Variants in DERA observed in about 807,000 individuals in gnomAD.
The protein encoded by DERA is deoxyribose-phosphate aldolase.
Under a neutral mutation model 41.1 loss-of-function variants are expected in DERA, and 15 were observed. That is an observed-to-expected ratio of 0.37 (90% confidence interval 0.24 to 0.56). The LOEUF (loss-of-function observed/expected upper bound fraction) is 0.56. Ranked by LOEUF, DERA falls within the 20% of genes least tolerant of loss-of-function variation. The pLI is 0.81. For synonymous variants in DERA, 139 were observed against 137.4 expected (o/e 1.01, Z -0.08); for missense variants, 396 against 403.4 (o/e 0.98, Z 0.16).
chr12:15,920,431 T>A (rs1437712115), intron 1 of DERA, among the ~76,000 whole-genome samples: 2 of 152,214 alleles, frequency 1.3e-5, no homozygotes, highest in Non-Finnish European at 2.9e-5. Flanking sequence ...CGTTACCTTC[T>A]TTTCCACTAG....
Position 16,021,535 on chromosome 12 carries a change from C to T in DERA, c.638-11007C>T, listed in dbSNP as rs765886237. On this transcript the variant is annotated intron_variant, in intron 6 of 8. Transcript: ENST00000428559. This position sits in a 1 kb window ranked among gnomAD's most constrained non-coding sequence, Gnocchi z 5.3. ...AGCCCACACAGAGTCTCCACTGCAGCGCTGTCTTAGTGGAATTGTGGGAAT... is the reference window on the plus strand; with the variant it reads ...AGCCCACACAGAGTCTCCACTGCAGTGCTGTCTTAGTGGAATTGTGGGAAT... 1.8e-3 allele frequency among the ~76,000 whole-genome samples: 267 copies of T among 152,312 alleles called. 1 individual carries two copies. Among genetic ancestry groups the T allele is most frequent in the Non-Finnish European group, 2.9e-3 (195 of 68,028 alleles).
At position 15,938,961 on chromosome 12, in the gene DERA, A is replaced by G. The variant is rs1176800017; in HGVS notation, c.32-17975A>G. Reference sequence around the variant, plus strand: ...TCCAGAGATGGACCACGTCTCTGGTATTGATGCCTTTGTGTAGTCCTGTAC... The same window carrying G: ...TCCAGAGATGGACCACGTCTCTGGTGTTGATGCCTTTGTGTAGTCCTGTAC... On this transcript the variant is annotated intron_variant, in intron 1 of 8. Coordinates refer to ENST00000428559, the MANE Select transcript of DERA (RefSeq NM_015954.4). This position sits in a 1 kb window ranked among gnomAD's most constrained non-coding sequence, Gnocchi z 4.1. Among the ~76,000 whole-genome samples, 3 of 152,180 alleles carry G rather than the reference A, an allele frequency of 2.0e-5. No individual in the cohort carries two copies. Among genetic ancestry groups the G allele is most frequent in the Admixed American group, 2.0e-4 (3 of 15,280 alleles).
In DERA at chr12:15,966,330, G is replaced by C. The variant is rs1948622789; in HGVS notation, c.508+3383G>C. On this transcript the variant is annotated intron_variant, in intron 5 of 8. Coordinates refer to ENST00000428559, the MANE Select transcript of DERA (RefSeq NM_015954.4). This position sits in a 1 kb window ranked among gnomAD's most constrained non-coding sequence, Gnocchi z 5.1. Reference sequence around the variant, plus strand: ...TATACAAAGATTCGTTGGGCATGGTGGCACATGCCTGTAATCCCAGCTACT... The same window carrying C: ...TATACAAAGATTCGTTGGGCATGGTCGCACATGCCTGTAATCCCAGCTACT... 6.6e-6 allele frequency among the ~76,000 whole-genome samples: 1 copy of C among 152,154 alleles called. No individual in the cohort carries two copies. The highest frequency in any genetic ancestry group is 1.5e-5 in the Non-Finnish European group (1 of 68,024).
At chr12:15,932,151 T>C (rs978478675) in intron 1 of DERA, among the ~76,000 whole-genome samples, 1 of 152,214 alleles carries the variant, frequency 6.6e-6, no homozygotes, top group Non-Finnish European at 1.5e-5. Flanking sequence ...TCTTGTGATA[T>C]GAAAACTTTT....
Position 16,036,776 on chromosome 12 carries a change from A to G in DERA, c.*30A>G. 6.6e-7 allele frequency: 1 copy of G among 1,505,780 alleles called. No homozygotes were observed. Among genetic ancestry groups the G allele is most frequent in the Non-Finnish European group, 9.0e-7 (1 of 1,106,360 alleles). The allele number at this position is 1,505,780 out of a possible 1,614,324, so 93.3% of individuals were successfully genotyped here. A position where few individuals can be genotyped will look rare whatever the true frequency, so the allele number is the denominator to read the frequency against. ...GTCACCAGTTCCAGAAAAGTTCTTT[A>G]CGACAATGTTTAAAAATTATTTTTC... is the stretch of plus-strand genomic sequence containing the variant. On this transcript the variant is annotated 3_prime_UTR_variant, in exon 9 of 9. Transcript: ENST00000428559. This position sits in a 1 kb window ranked among gnomAD's most constrained non-coding sequence, Gnocchi z 4.9.
rs1333033505 is a variant in DERA, at chr12:16,037,033, A to T, written c.*287A>T. The T allele has an allele frequency of 9.1e-6, 3 of 330,574 alleles. No individual in the cohort carries two copies. Among genetic ancestry groups the T allele is most frequent in the African/African-American group, 2.2e-5 (1 of 45,240 alleles). 20.5% of individuals were successfully genotyped at this position (330,574 alleles called of 1,614,324 possible). On this transcript the variant is annotated 3_prime_UTR_variant, in exon 9 of 9. Transcript: ENST00000428559. This position sits in a 1 kb window ranked among gnomAD's most constrained non-coding sequence, Gnocchi z 6.7. ...TAAAATGTTAATGGTAGCTTTGATA[A>T]CATCAAATTCTAAGGGAGAAAAAAA... is the stretch of plus-strand genomic sequence containing the variant.
intron 6 of DERA, among the ~76,000 whole-genome samples, chr12:15,997,479 G>A (rs546739053): frequency 1.7e-4 from 26 of 152,236 alleles, no homozygotes; most frequent in African/African-American, 5.5e-4. Flanking sequence ...AGGGCCCTGC[G>A]TGTTACATTG....
In DERA at chr12:15,943,164, G is replaced by A. The variant is rs1448595489; in HGVS notation, c.32-13772G>A. Among the ~76,000 whole-genome samples, 1 of 152,184 alleles carries A rather than the reference G, an allele frequency of 6.6e-6. No homozygotes were observed. The highest frequency in any genetic ancestry group is 1.5e-5 in the Non-Finnish European group (1 of 68,036). On this transcript the variant is annotated intron_variant, in intron 1 of 8. Transcript: ENST00000428559. This position sits in a 1 kb window ranked among gnomAD's most constrained non-coding sequence, Gnocchi z 4.5. The stretch of plus-strand genomic sequence containing the variant: ...CAGAGGAAGCTCTTCTTTGAATTTT[G>A]TGCTTTGTGAATCTTACAGATGCTT...
intron 6 of DERA, among the ~76,000 whole-genome samples, chr12:16,027,603 C>T: frequency 6.6e-6 from 1 of 152,124 alleles, no homozygotes. Context: ...ATGCTGAAAG[C>T]CATTAGAAGA....
Position 15,940,947 on chromosome 12 carries a change from G to A in DERA, c.32-15989G>A, listed in dbSNP as rs1490414515. Among the ~76,000 whole-genome samples, 1 of 152,178 alleles carries A rather than the reference G, an allele frequency of 6.6e-6. No homozygotes were observed. Among genetic ancestry groups the A allele is most frequent in the Non-Finnish European group, 1.5e-5 (1 of 68,036 alleles). ...CGTGGCAAATGTTGAAAAACATTTT[G>A]TGCAAATTGCAGATAATCAACTTTC... On this transcript the variant is annotated intron_variant, in intron 1 of 8. Transcript: ENST00000428559. This position sits in a 1 kb window ranked among gnomAD's most constrained non-coding sequence, Gnocchi z 5.1.
In DERA at chr12:15,982,270, GC is replaced by G. The variant is rs1209386623; in HGVS notation, c.509-36del. ...CGGCTGCCAAGTTATGTTATCACTT[GC>G]CTGCTTTGTAACTGCCTCAATTATT... On this transcript the variant is annotated intron_variant, in intron 5 of 8. Transcript: ENST00000428559. This position sits in a 1 kb window ranked among gnomAD's most constrained non-coding sequence, Gnocchi z 4.0. 6.3e-7 allele frequency: 1 copy of G among 1,594,114 alleles called. No homozygotes were observed. Among genetic ancestry groups the G allele is most frequent in the Non-Finnish European group, 8.5e-7 (1 of 1,172,280 alleles).
rs551389843 is a variant in DERA at position 16,008,201 on chromosome 12, A to G, written c.638-24341A>G. Among the ~76,000 whole-genome samples the G allele has an allele frequency of 3.9e-5, 6 of 152,356 alleles. No individual in the cohort carries two copies. The East Asian group carries it at 9.6e-4, about 24-fold the overall frequency. ...TGTTTCTTCAGCAACGTGCAGACACATTGGTGTACAGATGCTTCATTCGCT... is the reference window on the plus strand; with the variant it reads ...TGTTTCTTCAGCAACGTGCAGACACGTTGGTGTACAGATGCTTCATTCGCT... On this transcript the variant is annotated intron_variant, in intron 6 of 8. Transcript: ENST00000428559. This position sits in a 1 kb window ranked among gnomAD's most constrained non-coding sequence, Gnocchi z 4.8.
chr12:16,030,176 C>T (rs1460325851), intron 6 of DERA, among the ~76,000 whole-genome samples: 2 of 151,200 alleles, frequency 1.3e-5, no homozygotes, highest in Non-Finnish European at 2.9e-5. Context: ...TTGTGATCTG[C>T]CAGCCTCGGC....
rs1420576554 is a variant in DERA at position 16,004,678 on chromosome 12, C to A, written c.637+22242C>A. On this transcript the variant is annotated intron_variant, in intron 6 of 8. Transcript: ENST00000428559. This position sits in a 1 kb window ranked among gnomAD's most constrained non-coding sequence, Gnocchi z 4.2. Reference sequence around the variant, plus strand: ...ATCCTTTGTACGATGACAACAATGACAACAAATGACTTAGTGGGGCTTTGG... The same window carrying A: ...ATCCTTTGTACGATGACAACAATGAAAACAAATGACTTAGTGGGGCTTTGG... Among the ~76,000 whole-genome samples the A allele has an allele frequency of 6.6e-6, 1 of 152,114 alleles. No homozygotes were observed. Among genetic ancestry groups the A allele is most frequent in the Non-Finnish European group, 1.5e-5 (1 of 67,996 alleles).
chr12:15,927,278 A>C (rs1000926750), intron 1 of DERA, among the ~76,000 whole-genome samples: 1 of 152,096 alleles, frequency 6.6e-6, no homozygotes, highest in Non-Finnish European at 1.5e-5. Context: ...TCCGATTTTT[A>C]TCCTGATTTT....
chr12:16,031,794 G>T (rs1437682900), intron 6 of DERA, among the ~76,000 whole-genome samples: 1 of 152,082 alleles, frequency 6.6e-6, no homozygotes, highest in Admixed American at 6.6e-5. Flanking sequence ...TAAAAGTAGA[G>T]ATCGTATTAC....
rs1214123687 is a variant in DERA at position 15,962,938 on chromosome 12, C to T, written c.499C>T (p.Gln167Ter). The T allele has an allele frequency of 6.2e-7, 1 of 1,606,372 alleles. No individual in the cohort carries two copies. The highest frequency in any genetic ancestry group is 1.7e-5 in the Admixed American group (1 of 59,082). The change falls in exon 5 of 9, where the codon CAG becomes TAG. Residue 167 changes from glutamine (Q) to a stop codon, truncating the protein, a stop_gained. Coordinates refer to ENST00000428559, the MANE Select transcript of DERA (RefSeq NM_015954.4). LOFTEE classifies it high-confidence loss of function. Reference protein sequence around the residue: ...VINRSLVLTGQWEALYDEIRQ... With the variant: ...VINRSLVLTG ...TAACAGAAGCTTGGTGCTGACAGGC[C>T]AGTGGGAAGGTAGGTGCATGCTTTT...
intron 1 of DERA, among the ~76,000 whole-genome samples, chr12:15,930,730 C>A (rs1046579837): frequency 1.3e-5 from 2 of 152,088 alleles, no homozygotes; most frequent in Non-Finnish European, 1.5e-5. Context: ...TATGAACTCA[C>A]AAACTTCAGG....
rs1474684551 is a variant in DERA, at chr12:15,967,766, C to T, written c.508+4819C>T. Among the ~76,000 whole-genome samples the T allele has an allele frequency of 1.3e-5, 2 of 152,212 alleles. No homozygotes were observed. The highest frequency in any genetic ancestry group is 2.9e-5 in the Non-Finnish European group (2 of 68,042). On this transcript the variant is annotated intron_variant, in intron 5 of 8. Coordinates refer to ENST00000428559, the MANE Select transcript of DERA (RefSeq NM_015954.4). This position sits in a 1 kb window ranked among gnomAD's most constrained non-coding sequence, Gnocchi z 4.9. ...TTCCCTGCCAATCCTTCTGTCACTC[C>T]TGTCTAGCTGGACATGGAAACGTGG...
Sources: gnomAD v4.1 joint callset for allele counts (sites outside exome capture counted in the v4.1 genomes callset) on GRCh38, gnomAD v4.1.1 for gene constraint, Gnocchi (gnomAD v3.1) non-coding constraint, MANE v1.5 for transcripts, NCBI Gene and HGNC (gene_info 2026-07-23, HGNC 2026-07-21) for gene names.